CSMD3: variants seen among roughly 807,000 people sequenced by gnomAD.
CSMD3 encodes the protein CUB and sushi domain-containing protein 3.
CSMD3 carries 177 observed loss-of-function variants against 435.2 expected under a neutral mutation model. That is an observed-to-expected ratio of 0.41 (90% CI 0.36 to 0.46). The LOEUF (loss-of-function observed/expected upper bound fraction) is 0.46, where lower values mean the gene tolerates loss of function less well. Among genes scored for constraint, CSMD3 ranks in the 20% least tolerant of loss-of-function variants. CSMD3 has a pLI of 0.34. For missense variants in CSMD3, 4,265 were observed against 4,504.6 expected (o/e 0.95, Z 1.52); for synonymous variants, 1,656 against 1,520.5 (o/e 1.09, Z -2.07).
At chr8:113,185,635 G>T (rs1440972340) in intron 3 of CSMD3, among the ~76,000 whole-genome samples, 1 of 151,940 alleles carries the variant, frequency 6.6e-6, no homozygotes, top group Non-Finnish European at 1.5e-5. Context: ...ATATATCTTT[G>T]CCCATTGTTG....
chr8:113,052,538 T>TA (rs1305529677), intron 5 of CSMD3, among the ~76,000 whole-genome samples: 1 of 152,124 alleles, frequency 6.6e-6, no homozygotes, highest in Non-Finnish European at 1.5e-5. Context: ...AGCACTTCGG[T>TA]AGGCAAAGGT....
intron 6 of CSMD3, among the ~76,000 whole-genome samples, chr8:113,015,334 T>C (rs946811157): frequency 6.6e-6 from 1 of 152,086 alleles, no homozygotes; most frequent in African/African-American, 2.4e-5. Flanking sequence ...TTATCTTTCA[T>C]AACTTTTAAA....
chr8:113,304,011 C>T (rs34665640), intron 2 of CSMD3, among the ~76,000 whole-genome samples: 23,537 of 118,922 alleles, frequency 0.2, 3,667 homozygotes, highest in East Asian at 0.6. Context: ...GCAACCTACT[C>T]ATCTGACAAA....
At chr8:112,684,717 A>C (rs1243161641) in intron 15 of CSMD3, among the ~76,000 whole-genome samples, 1 of 152,126 alleles carries the variant, frequency 6.6e-6, no homozygotes, top group Non-Finnish European at 1.5e-5. Flanking sequence ...ACACAACAAC[A>C]TAAGATGTCA....
intron 3 of CSMD3, among the ~76,000 whole-genome samples, chr8:113,210,002 A>AGG (rs1160842737): frequency 6.6e-5 from 6 of 91,570 alleles, no homozygotes; most frequent in African/African-American, 1.8e-4. Flanking sequence ...TTCTCCTAAA[A>AGG]GGTGTGTGTG....
chr8:112,471,757 T>C (rs957712708), intron 32 of CSMD3, among the ~76,000 whole-genome samples: 4 of 152,194 alleles, frequency 2.6e-5, no homozygotes, highest in Non-Finnish European at 4.4e-5. Flanking sequence ...TCTGCTGATA[T>C]ACTGAGTCAT....
In CSMD3 at chr8:113,182,788, C is replaced by A. The variant is rs145497112; in HGVS notation, c.515-8872G>T. Among the ~76,000 whole-genome samples, 378 of 152,124 alleles carry A rather than the reference C, an allele frequency of 2.5e-3. 2 individuals carry two copies. Among genetic ancestry groups the A allele is most frequent in the African/African-American group, 8.8e-3 (366 of 41,544 alleles). The stretch of plus-strand genomic sequence containing the variant: ...GCTGCAAATATTGAATTAGAGGCTA[C>A]TGAGTTGAATGAGAAGATGTTAAGG... On this transcript the variant is annotated intron_variant, in intron 3 of 70. Transcript: ENST00000297405.
intron 38 of CSMD3, among the ~76,000 whole-genome samples, chr8:112,362,272 A>G (rs187797641): frequency 1.1e-3 from 169 of 152,066 alleles, no homozygotes; most frequent in African/African-American, 3.6e-3. Context: ...TTGTGGATAA[A>G]CTTTTTTGGA....
chr8:112,957,503 G>T (rs1350858322), intron 7 of CSMD3, among the ~76,000 whole-genome samples: 3 of 152,186 alleles, frequency 2.0e-5, no homozygotes, highest in Admixed American at 6.5e-5. Context: ...GCCCAGGCTG[G>T]AGTGCAGTGG....
chr8:112,972,720 T>G (rs971461326), intron 7 of CSMD3, among the ~76,000 whole-genome samples: 5 of 151,986 alleles, frequency 3.3e-5, no homozygotes, highest in Admixed American at 6.6e-5. Flanking sequence ...AAACACTTAT[T>G]CATTAGTTTG....
chr8:112,870,464 G>C (rs985300133), intron 10 of CSMD3, among the ~76,000 whole-genome samples: 23 of 151,146 alleles, frequency 1.5e-4, no homozygotes, highest in Non-Finnish European at 3.2e-4. Flanking sequence ...TTTTAGTAGA[G>C]ACGGGGTTTC....
At chr8:112,969,620 T>C (rs2084567436) in intron 7 of CSMD3, among the ~76,000 whole-genome samples, 1 of 152,018 alleles carries the variant, frequency 6.6e-6, no homozygotes, top group Non-Finnish European at 1.5e-5. Flanking sequence ...TTCCATAAGA[T>C]GTTGTAGTTA....
intron 1 of CSMD3, among the ~76,000 whole-genome samples, chr8:113,406,913 A>T (rs2094535355): frequency 1.3e-5 from 2 of 152,224 alleles, no homozygotes; most frequent in East Asian, 1.9e-4. Flanking sequence ...TTTATTGTTA[A>T]ATTTATGGTA....
intron 38 of CSMD3, among the ~76,000 whole-genome samples, chr8:112,373,670 T>G (rs985464308): frequency 1.3e-5 from 2 of 152,178 alleles, no homozygotes; most frequent in Non-Finnish European, 2.9e-5. Context: ...CCTTAACAAA[T>G]GAACAGATTC....
At chr8:113,000,861 C>A (rs1208061643) in intron 6 of CSMD3, among the ~76,000 whole-genome samples, 1 of 152,004 alleles carries the variant, frequency 6.6e-6, no homozygotes, top group Non-Finnish European at 1.5e-5. Context: ...TCTTAACACA[C>A]CTACTCAATC....
intron 13 of CSMD3, among the ~76,000 whole-genome samples, chr8:112,768,123 C>T (rs1300380182): frequency 6.6e-6 from 1 of 151,324 alleles, no homozygotes; most frequent in Admixed American, 6.6e-5. Flanking sequence ...AATCAAAACT[C>T]AGATGATTTA....
intron 3 of CSMD3, among the ~76,000 whole-genome samples, chr8:113,257,850 T>G (rs1293170820): frequency 1.3e-5 from 2 of 152,204 alleles, no homozygotes; most frequent in African/African-American, 4.8e-5. Flanking sequence ...ACATGAGTCT[T>G]TATAAACATA....
intron 12 of CSMD3, among the ~76,000 whole-genome samples, chr8:112,800,490 T>A (rs1427284886): frequency 6.6e-6 from 1 of 152,030 alleles, no homozygotes; most frequent in Admixed American, 6.6e-5. Context: ...CTAGGAAAGA[T>A]CTTTCATGTT....
chr8:113,400,361 G>A (rs751630690), intron 1 of CSMD3, among the ~76,000 whole-genome samples: 2 of 151,784 alleles, frequency 1.3e-5, no homozygotes. Context: ...CCCATCCCTC[G>A]TGGCTAATAC....
Sources: gnomAD v4.1 joint callset for allele counts (sites outside exome capture counted in the v4.1 genomes callset) on GRCh38, gnomAD v4.1.1 for gene constraint, MANE v1.5 for transcripts, NCBI Gene and HGNC (gene_info 2026-07-23, HGNC 2026-07-21) for gene names.